Variants in MED13L observed in about 807,000 individuals in gnomAD.
MED13L encodes the protein mediator of RNA polymerase II transcription subunit 13-like.
In MED13L, 7 loss-of-function variants were observed where a neutral mutation model predicts 220.9. That is an observed-to-expected ratio of 0.03 (90% CI 0.02 to 0.06). MED13L has a LOEUF of 0.06. Ranked by LOEUF, MED13L falls within the 10% of genes least tolerant of loss-of-function variation. The pLI is 1.00. For missense variants in MED13L, 1,965 were observed against 2,760.5 expected, an observed-to-expected ratio of 0.71 and a Z score of 6.46; for synonymous variants, 1,011 against 1,015.2, an observed-to-expected ratio of 1.00 and a Z score of 0.08.
chr12:116,187,412 T>G (rs1459495744), intron 2 of MED13L, among the ~76,000 whole-genome samples: 1 of 152,188 alleles, frequency 6.6e-6, no homozygotes, highest in African/African-American at 2.4e-5. Context: ...ACACAAATAA[T>G]GCTCCTATGT....
chr12:116,051,994 G>C (rs1171198332), intron 4 of MED13L, among the ~76,000 whole-genome samples: 2 of 152,060 alleles, frequency 1.3e-5, no homozygotes, highest in Non-Finnish European at 2.9e-5. Flanking sequence ...ATTCTAGCTT[G>C]CCCTTCATTT....
chr12:116,096,465 G>A (rs183074663), intron 4 of MED13L, among the ~76,000 whole-genome samples: 24 of 150,328 alleles, frequency 1.6e-4, no homozygotes, highest in Admixed American at 1.5e-3. Context: ...GCTTGAACAT[G>A]AGTATATTGG....
chr12:115,995,598 ATT>A (rs557338532), intron 16 of MED13L, among the ~76,000 whole-genome samples: 146 of 152,132 alleles, frequency 9.6e-4, no homozygotes, highest in African/African-American at 3.3e-3. Flanking sequence ...AAATTTTTGT[ATT>A]TTTTGTAGAG....
At chr12:116,194,385 A>G (rs1177887246) in intron 2 of MED13L, among the ~76,000 whole-genome samples, 2 of 152,058 alleles carry the variant, frequency 1.3e-5, no homozygotes, top group African/African-American at 4.8e-5. Flanking sequence ...GGCTGGTCTC[A>G]AACTCCCGAC....
chr12:115,995,010 A>G (rs546103846), intron 16 of MED13L, among the ~76,000 whole-genome samples: 26 of 152,360 alleles, frequency 1.7e-4, no homozygotes, highest in Non-Finnish European at 3.4e-4. Context: ...AATTTTTGCA[A>G]GGCAGGAATT....
At chr12:116,108,994 T>C (rs1328236126) in intron 3 of MED13L, among the ~76,000 whole-genome samples, 1 of 150,332 alleles carries the variant, frequency 6.7e-6, no homozygotes, top group Non-Finnish European at 1.5e-5. Context: ...GACCCTGAAA[T>C]GAAGCCAAGG....
At position 115,961,126 on chromosome 12, in the gene MED13L, G is replaced by A; in HGVS notation, c.*140C>T. 9.0e-7 allele frequency: 1 copy of A among 1,111,326 alleles called. No individual in the cohort carries two copies. Among genetic ancestry groups the A allele is most frequent in the South Asian group, 1.3e-5 (1 of 76,138 alleles). 68.8% of individuals were successfully genotyped at this position (1,111,326 alleles called of 1,614,324 possible). A position where few individuals can be genotyped will look rare whatever the true frequency, so the allele number is the denominator to read the frequency against. On this transcript the variant is annotated 3_prime_UTR_variant, in exon 31 of 31. Transcript: ENST00000281928. The stretch of plus-strand genomic sequence containing the variant: ...AACACTGCAGAATTGACATGTGCCT[G>A]CTGAGAAGGAATCACAGTGCAGGAC...
intron 15 of MED13L, 90 bp downstream of exon 15, chr12:115,996,920 G>C: frequency 7.4e-7 from 1 of 1,343,672 alleles, no homozygotes; most frequent in Non-Finnish European, 1.1e-6. Flanking sequence ...ATGTATATAT[G>C]GCACACAGAC....
intron 1 of MED13L, among the ~76,000 whole-genome samples, chr12:116,246,401 T>C (rs1871101490): frequency 6.6e-6 from 1 of 151,968 alleles, no homozygotes; most frequent in Non-Finnish European, 1.5e-5. Flanking sequence ...ATCCAGATTA[T>C]GACAGGTCCG....
At chr12:116,161,486 A>G (rs1378126891) in intron 2 of MED13L, among the ~76,000 whole-genome samples, 1 of 152,184 alleles carries the variant, frequency 6.6e-6, no homozygotes, top group African/African-American at 2.4e-5. Flanking sequence ...AAATATCAAT[A>G]AGAAATCAGA....
intron 19 of MED13L, among the ~76,000 whole-genome samples, chr12:115,985,099 G>A (rs1475983669): frequency 3.9e-5 from 6 of 152,062 alleles, no homozygotes; most frequent in South Asian, 2.1e-4. Flanking sequence ...AATTACTGCC[G>A]AATAAGCAAC....
chr12:116,207,168 T>C (rs76610763), intron 2 of MED13L, among the ~76,000 whole-genome samples: 1 of 151,926 alleles, frequency 6.6e-6, no homozygotes, highest in Non-Finnish European at 1.5e-5. Context: ...TTTTTTTTTT[T>C]GGTAAGATTT....
At chr12:116,251,947 G>GA (rs1269569072) in intron 1 of MED13L, among the ~76,000 whole-genome samples, 2 of 150,374 alleles carry the variant, frequency 1.3e-5, no homozygotes, top group East Asian at 1.9e-4. Context: ...TAGGAATAAG[G>GA]AAAAAAAACT....
chr12:116,229,366 T>C (rs1331091002), intron 2 of MED13L, among the ~76,000 whole-genome samples: 1 of 152,210 alleles, frequency 6.6e-6, no homozygotes, highest in Admixed American at 6.5e-5. Context: ...TTTATATAAG[T>C]AGGTGATTTC....
chr12:116,258,371 G>A (rs950114605), intron 1 of MED13L, among the ~76,000 whole-genome samples: 14 of 152,170 alleles, frequency 9.2e-5, no homozygotes, highest in African/African-American at 2.9e-4. Context: ...AGCAGTGCAC[G>A]CCTGCAGCAA....
rs192517933 is a variant in MED13L at position 116,213,933 on chromosome 12, T to C, written c.310+23535A>G. ...CAGCCCAGAATTTAAAGTTCGTACC[T>C]AGCAAACACAGTGTTACATCCATCT... On this transcript the variant is annotated intron_variant, in intron 2 of 30. Transcript: ENST00000281928. 3.0e-3 allele frequency among the ~76,000 whole-genome samples: 451 copies of C among 152,286 alleles called. 2 individuals are homozygous for C. The highest frequency in any genetic ancestry group is 0.01 in the African/African-American group (436 of 41,566).
intron 23 of MED13L, among the ~76,000 whole-genome samples, chr12:115,978,260 G>A (rs567874468): frequency 7.3e-5 from 11 of 151,628 alleles, no homozygotes; most frequent in African/African-American, 2.2e-4. Context: ...TCTAAAATTA[G>A]ATAGTAGTGA....
At chr12:116,042,261 A>T (rs1186073919) in intron 4 of MED13L, among the ~76,000 whole-genome samples, 1 of 152,244 alleles carries the variant, frequency 6.6e-6, no homozygotes, top group Non-Finnish European at 1.5e-5. Context: ...TAAAGAATAA[A>T]CAGGCTTACA....
intron 10 of MED13L, chr12:116,007,925 T>C: frequency 2.3e-6 from 1 of 434,268 alleles, no homozygotes; most frequent in Non-Finnish European, 4.2e-6. Flanking sequence ...AGTTATAAAA[T>C]TAACGTAATA....
Sources: gnomAD v4.1 joint callset for allele counts (sites outside exome capture counted in the v4.1 genomes callset) on GRCh38, gnomAD v4.1.1 for gene constraint, MANE v1.5 for transcripts, NCBI Gene and HGNC (gene_info 2026-07-23, HGNC 2026-07-21) for gene names.